IRF2: variants seen among roughly 807,000 people sequenced by gnomAD.
The protein encoded by IRF2 is interferon regulatory factor 2.
IRF2 carries 15 observed loss-of-function variants against 40.6 expected under a neutral mutation model. That is an observed-to-expected ratio of 0.37 (90% CI 0.25 to 0.57). The LOEUF is 0.57. IRF2 is among the 20% of genes least tolerant of loss of function. IRF2 has a pLI of 0.77. For synonymous variants in IRF2, 151 were observed against 165.5 expected (o/e 0.91, Z 0.67); for missense variants, 317 against 455.7 (o/e 0.70, Z 2.77).
intron 1 of IRF2, among the ~76,000 whole-genome samples, chr4:184,469,651 G>T (rs1561133703): frequency 6.6e-6 from 1 of 152,226 alleles, no homozygotes. Flanking sequence ...CTCCAGCCTG[G>T]TGGACAGAGT....
chr4:184,408,333 A>G lies in IRF2; in HGVS notation c.412-58T>C. 1 of 1,082,968 alleles carries G rather than the reference A, an allele frequency of 9.2e-7. No individual in the cohort carries two copies. The highest frequency in any genetic ancestry group is 1.4e-6 in the Non-Finnish European group (1 of 701,498). 67.1% of individuals were successfully genotyped at this position (1,082,968 alleles called of 1,614,324 possible). On this transcript the variant is annotated intron_variant, in intron 5 of 8. Transcript: ENST00000393593. The surrounding 1 kb of genome is among the most constrained non-coding windows in gnomAD (Gnocchi z 4.9). ...CACTTCCTTTCCCCTCCCTTCTCTT[A>G]GCTGAAATTCTACCCTCTGCCTACT...
Position 184,418,545 on chromosome 4 carries a change from C to G in IRF2, c.351G>C (p.Arg117=), listed in dbSNP as rs139554090. 2 of 1,614,098 alleles carry G rather than the reference C, an allele frequency of 1.2e-6. No homozygotes were observed. The highest frequency in any genetic ancestry group is 1.7e-6 in the Non-Finnish European group (2 of 1,179,970). Residue 117 remains arginine (R), a synonymous_variant, in exon 4 of 9, where the codon CGG becomes CGC. Coordinates refer to ENST00000393593, the MANE Select transcript of IRF2 (RefSeq NM_002199.4). ...RVYRMLPLSE[R]PSKKGKKPKT... Reference sequence around the variant, plus strand: ...AAATGCCTTTACCTTTCTTAGAAGGCCGTTCTGATAGGGGCAGCATTCGGT... The same window carrying G: ...AAATGCCTTTACCTTTCTTAGAAGGGCGTTCTGATAGGGGCAGCATTCGGT...
At chr4:184,409,246 G>C (rs3775554) in intron 5 of IRF2, among the ~76,000 whole-genome samples, 21,795 of 152,102 alleles carry the variant, frequency 0.14, 1,657 homozygotes, top group East Asian at 0.25. Flanking sequence ...GCTTGGAAAA[G>C]TCAACAGTGG....
intron 1 of IRF2, among the ~76,000 whole-genome samples, chr4:184,439,338 C>A (rs969437971): frequency 7.4e-6 from 1 of 135,068 alleles, no homozygotes; most frequent in East Asian, 2.1e-4. Context: ...AAAAGCGGGG[C>A]GGAGCGGGGG....
intron 5 of IRF2, among the ~76,000 whole-genome samples, chr4:184,410,486 T>C (rs1737031833): frequency 6.6e-6 from 1 of 152,168 alleles, no homozygotes; most frequent in Non-Finnish European, 1.5e-5. Context: ...ACTGCTGCAA[T>C]TCTCCATCTC....
At chr4:184,429,123 T>C (rs1443126893) in intron 1 of IRF2, 53 bp from the exon 2 acceptor site, 10 of 1,398,670 alleles carry the variant, frequency 7.1e-6, no homozygotes, top group Non-Finnish European at 9.1e-6. Flanking sequence ...GTGTGGTGTC[T>C]GCACTGCAGA....
At position 184,398,852 on chromosome 4, in the gene IRF2, C is replaced by T. The variant is rs931647814; in HGVS notation, c.694+63G>A. The T allele has an allele frequency of 3.4e-6, 5 of 1,481,100 alleles. No individual in the cohort carries two copies. The Admixed American group carries it at 8.9e-5, about 26-fold the overall frequency. 91.7% of individuals were successfully genotyped at this position (1,481,100 alleles called of 1,614,324 possible). Reference sequence around the variant, plus strand: ...CTCCGTGGGGTGGTGAGATGGGTGACCCTAGACCAAAGGACTGCGCGGCCG... The same window carrying T: ...CTCCGTGGGGTGGTGAGATGGGTGATCCTAGACCAAAGGACTGCGCGGCCG... On this transcript the variant is annotated intron_variant, in intron 7 of 8. Coordinates refer to ENST00000393593, the MANE Select transcript of IRF2 (RefSeq NM_002199.4).
At chr4:184,425,372 G>C (rs62337753) in intron 2 of IRF2, among the ~76,000 whole-genome samples, 9,108 of 152,314 alleles carry the variant, frequency 0.06, 358 homozygotes, top group Middle Eastern at 0.088. Context: ...ATGGAGAGAA[G>C]AGATCCTGAC....
At chr4:184,452,907 C>T (rs1426392169) in intron 1 of IRF2, among the ~76,000 whole-genome samples, 1 of 150,180 alleles carries the variant, frequency 6.7e-6, no homozygotes, top group African/African-American at 2.5e-5. Flanking sequence ...AAAATAGGTA[C>T]AAAATTTCCA....
At chr4:184,431,032 A>T (rs958419170) in intron 1 of IRF2, among the ~76,000 whole-genome samples, 1 of 152,104 alleles carries the variant, frequency 6.6e-6, no homozygotes, top group Non-Finnish European at 1.5e-5. Context: ...CAAAGCGCAA[A>T]TGTTGCCTTC....
intron 1 of IRF2, among the ~76,000 whole-genome samples, chr4:184,466,520 T>C (rs1028934525): frequency 6.6e-6 from 1 of 152,240 alleles, no homozygotes; most frequent in Non-Finnish European, 1.5e-5. Flanking sequence ...ACATCTATTA[T>C]GTATTATTTC....
At chr4:184,460,598 C>T (rs143305693) in intron 1 of IRF2, among the ~76,000 whole-genome samples, 2 of 151,902 alleles carry the variant, frequency 1.3e-5, no homozygotes, top group Non-Finnish European at 2.9e-5. Context: ...TTTCAGGCAA[C>T]TTAAAGTATT....
chr4:184,395,303 C>T (rs1328234549), intron 7 of IRF2, among the ~76,000 whole-genome samples: 12 of 146,456 alleles, frequency 8.2e-5, no homozygotes, highest in Admixed American at 5.7e-4. Flanking sequence ...GTCCCAGCTA[C>T]TCGGGAGGCT....
intron 3 of IRF2, 65 bp downstream of exon 3, chr4:184,419,404 G>T: frequency 9.4e-7 from 1 of 1,065,920 alleles, no homozygotes; most frequent in Non-Finnish European, 1.5e-6. Flanking sequence ...GCTATTTTAT[G>T]TGTAATAAAA....
At chr4:184,458,771 C>A (rs899202378) in intron 1 of IRF2, among the ~76,000 whole-genome samples, 9 of 152,130 alleles carry the variant, frequency 5.9e-5, no homozygotes, top group Non-Finnish European at 2.9e-5. Flanking sequence ...TTCAGCAAAA[C>A]GAAAAATTTC....
At chr4:184,450,656 C>T (rs1738682043) in intron 1 of IRF2, among the ~76,000 whole-genome samples, 1 of 152,110 alleles carries the variant, frequency 6.6e-6, no homozygotes, top group African/African-American at 2.4e-5. Flanking sequence ...ACATAAAATA[C>T]TTATAAAATA....
At chr4:184,452,798 G>GAAAAAAA (rs1579104870) in intron 1 of IRF2, among the ~76,000 whole-genome samples, 4 of 122,998 alleles carry the variant, frequency 3.3e-5, no homozygotes, top group Non-Finnish European at 4.8e-5. Context: ...AAAAAAAAGG[G>GAAAAAAA]AAAGAAAGAA....
chr4:184,439,816 G>A (rs1046401690), intron 1 of IRF2, among the ~76,000 whole-genome samples: 7 of 152,066 alleles, frequency 4.6e-5, no homozygotes, highest in African/African-American at 7.2e-5. Context: ...AACCATAATC[G>A]AGCAAACTGA....
chr4:184,403,417 G>A (rs1457501662), intron 6 of IRF2, among the ~76,000 whole-genome samples: 1 of 152,148 alleles, frequency 6.6e-6, no homozygotes, highest in Non-Finnish European at 1.5e-5. Flanking sequence ...ACTCCTCTGG[G>A]TACCAAAGAG....
Sources: allele counts gnomAD v4.1 joint callset (sites outside exome capture counted in the v4.1 genomes callset), GRCh38; gene constraint gnomAD v4.1.1; non-coding constraint Gnocchi (gnomAD v3.1); transcripts MANE v1.5; gene names NCBI Gene and HGNC (gene_info 2026-07-23, HGNC 2026-07-21).